HECW2: variants seen among roughly 807,000 people sequenced by gnomAD.
HECW2 encodes the protein E3 ubiquitin-protein ligase HECW2.
Under a neutral mutation model 175.2 loss-of-function variants are expected in HECW2, and 61 were observed. That is an observed-to-expected ratio of 0.35 (90% confidence interval 0.28 to 0.43). HECW2 has a LOEUF of 0.43. Among genes scored for constraint, HECW2 ranks in the 20% least tolerant of loss-of-function variants. The probability of loss-of-function intolerance (pLI) is 1.00; values close to 1 mark genes in which losing one functional copy is unlikely to be tolerated. For synonymous variants in HECW2, 671 were observed against 731.0 expected (o/e 0.92, Z 1.32); for missense variants, 1,524 against 2,000.5 (o/e 0.76, Z 4.54).
chr2:196,440,497 C>G (rs1696006536), intron 1 of HECW2, among the ~76,000 whole-genome samples: 1 of 151,962 alleles, frequency 6.6e-6, no homozygotes, highest in Non-Finnish European at 1.5e-5. Context: ...TGAAAAAAAT[C>G]AAAGCACTCT....
At chr2:196,254,081 A>G in intron 18 of HECW2, 52 bp from the exon 19 acceptor site, 1 of 1,605,150 alleles carries the variant, frequency 6.2e-7, no homozygotes, top group Non-Finnish European at 8.5e-7. Flanking sequence ...TAGTGGGGAA[A>G]AGCCTAAATC....
intron 2 of HECW2, among the ~76,000 whole-genome samples, chr2:196,413,989 T>A (rs1020208774): frequency 1.3e-5 from 2 of 152,226 alleles, no homozygotes; most frequent in Non-Finnish European, 1.5e-5. Context: ...TCGTTGTGTG[T>A]TGCTGGTGAT....
intron 1 of HECW2, among the ~76,000 whole-genome samples, chr2:196,452,342 T>A (rs913018150): frequency 6.6e-6 from 1 of 152,282 alleles, no homozygotes; most frequent in East Asian, 1.9e-4. Flanking sequence ...TAAAATTAAT[T>A]TCATCTGTTT....
intron 2 of HECW2, among the ~76,000 whole-genome samples, chr2:196,429,380 A>G (rs895724614): frequency 6.6e-6 from 1 of 152,184 alleles, no homozygotes; most frequent in East Asian, 1.9e-4. Flanking sequence ...CTTTCCTGCT[A>G]GGGATAGAAA....
At chr2:196,468,678 C>G (rs1440614735) in intron 1 of HECW2, among the ~76,000 whole-genome samples, 2 of 152,106 alleles carry the variant, frequency 1.3e-5, no homozygotes, top group East Asian at 3.8e-4. Flanking sequence ...GTTAATATTT[C>G]CACTTCCAAA....
At chr2:196,409,964 G>C (rs1392272974) in intron 2 of HECW2, among the ~76,000 whole-genome samples, 1 of 152,172 alleles carries the variant, frequency 6.6e-6, no homozygotes, top group African/African-American at 2.4e-5. Context: ...CAATTCCCTG[G>C]TTTGGTAGAG....
rs560573438 is a variant in HECW2, at chr2:196,434,243, C to A, written c.-35-785G>T. Among the ~76,000 whole-genome samples, 3 of 152,294 alleles carry A rather than the reference C, an allele frequency of 2.0e-5. No homozygotes were observed. The South Asian group carries it at 6.2e-4, about 32-fold the overall frequency. On this transcript the variant is annotated intron_variant, in intron 1 of 28. Coordinates refer to ENST00000644978, the MANE Select transcript of HECW2 (RefSeq NM_001348768.2). The stretch of plus-strand genomic sequence containing the variant: ...ATGTCGATAAATATTTGTTAAATAA[C>A]AGATGCAGGAAGAGTAAGCATCTTT...
At chr2:196,364,966 G>A (rs569586778) in intron 2 of HECW2, among the ~76,000 whole-genome samples, 2 of 152,252 alleles carry the variant, frequency 1.3e-5, no homozygotes, top group South Asian at 4.1e-4. Flanking sequence ...GGGATAGAAA[G>A]GGAAGCTTAA....
rs529472622 is a variant in HECW2, at chr2:196,474,460, T to C, written c.-35-41002A>G. On this transcript the variant is annotated intron_variant, in intron 1 of 28. Transcript: ENST00000644978. Reference sequence around the variant, plus strand: ...AATATATTTATTAGGATAGTGTGCATTTTACCTTAATAATAATGATGTTCT... The same window carrying C: ...AATATATTTATTAGGATAGTGTGCACTTTACCTTAATAATAATGATGTTCT... Among the ~76,000 whole-genome samples the C allele has an allele frequency of 2.4e-4, 37 of 152,246 alleles. No homozygotes were observed. In the East Asian group the frequency reaches 3.3e-3, roughly 13 times the overall value.
In HECW2 at chr2:196,202,642, A is replaced by G. The variant is rs570382865; in HGVS notation, c.4608-1254T>C. 2.0e-5 allele frequency among the ~76,000 whole-genome samples: 3 copies of G among 152,300 alleles called. 1 individual carries two copies. The highest frequency in any genetic ancestry group is 7.2e-5 in the African/African-American group (3 of 41,576). On this transcript the variant is annotated intron_variant, in intron 28 of 28. Coordinates refer to ENST00000644978, the MANE Select transcript of HECW2 (RefSeq NM_001348768.2). ...TTACTATCAACAAGATTTGACTCTA[A>G]TTGCCTTCAGTGAATTGCCACAAAT...
intron 14 of HECW2, among the ~76,000 whole-genome samples, chr2:196,279,683 C>T (rs1485119881): frequency 1.3e-5 from 2 of 152,232 alleles, no homozygotes; most frequent in Non-Finnish European, 2.9e-5. Flanking sequence ...TTTTTCATTA[C>T]TCTTTAACAG....
chr2:196,471,312 T>C (rs1334673182), intron 1 of HECW2, among the ~76,000 whole-genome samples: 1 of 152,116 alleles, frequency 6.6e-6, no homozygotes, highest in East Asian at 1.9e-4. Flanking sequence ...GAAATCAAAA[T>C]TAACCGATGC....
intron 23 of HECW2, among the ~76,000 whole-genome samples, chr2:196,223,218 A>C (rs553929438): frequency 2.0e-5 from 3 of 152,334 alleles, no homozygotes; most frequent in African/African-American, 7.2e-5. Context: ...ATAAAGCGAT[A>C]AGTGATAACA....
At chr2:196,521,711 CT>C (rs1688399406) in intron 1 of HECW2, among the ~76,000 whole-genome samples, 1 of 147,804 alleles carries the variant, frequency 6.8e-6, no homozygotes, top group South Asian at 2.2e-4. Flanking sequence ...CAATTCCCAC[CT>C]ATGAGTGAGA....
At chr2:196,380,455 T>C (rs769935746) in intron 2 of HECW2, among the ~76,000 whole-genome samples, 1 of 152,236 alleles carries the variant, frequency 6.6e-6, no homozygotes, top group Non-Finnish European at 1.5e-5. Context: ...CTCTATATTG[T>C]CCTTTTCCGT....
At chr2:196,380,341 T>C (rs1180307175) in intron 2 of HECW2, among the ~76,000 whole-genome samples, 2 of 152,202 alleles carry the variant, frequency 1.3e-5, no homozygotes. Context: ...CAGAAGAAAA[T>C]AAGGTCTCTC....
At chr2:196,392,542 T>C (rs193135245) in intron 2 of HECW2, among the ~76,000 whole-genome samples, 48 of 152,346 alleles carry the variant, frequency 3.2e-4, no homozygotes. Flanking sequence ...ACACAAGGTG[T>C]TCCATATTCT....
At chr2:196,295,623 T>C (rs961594116) in intron 13 of HECW2, among the ~76,000 whole-genome samples, 2 of 152,224 alleles carry the variant, frequency 1.3e-5, no homozygotes, top group African/African-American at 4.8e-5. Context: ...CACTGCTCCC[T>C]CTTCTCACTA....
intron 1 of HECW2, among the ~76,000 whole-genome samples, chr2:196,501,511 A>G (rs1418452502): frequency 6.6e-6 from 1 of 152,108 alleles, no homozygotes; most frequent in Admixed American, 6.6e-5. Context: ...TCAGCCTCCC[A>G]AAGTGCTAGG....
Sources: gnomAD v4.1 joint callset for allele counts (sites outside exome capture counted in the v4.1 genomes callset) on GRCh38, gnomAD v4.1.1 for gene constraint, MANE v1.5 for transcripts, NCBI Gene and HGNC (gene_info 2026-07-23, HGNC 2026-07-21) for gene names.